DBF4: variants seen among roughly 807,000 people sequenced by gnomAD.
DBF4 encodes protein DBF4 homolog A.
Under a neutral mutation model 76.6 loss-of-function variants are expected in DBF4, and 25 were observed. The observed-to-expected ratio is 0.33, with a 90% CI of 0.24 to 0.46. The LOEUF is 0.46. DBF4 is among the 20% of genes least tolerant of loss of function. The pLI, the probability that DBF4 is intolerant of heterozygous loss-of-function variation, is 1.00. For synonymous variants in DBF4, 213 were observed against 258.0 expected, an observed-to-expected ratio of 0.83 and a Z score of 1.67; for missense variants, 638 against 760.8, an observed-to-expected ratio of 0.84 and a Z score of 1.90.
intron 10 of DBF4, among the ~76,000 whole-genome samples, chr7:87,902,208 A>G (rs1040161688): frequency 1.3e-5 from 2 of 152,220 alleles, no homozygotes; most frequent in Non-Finnish European, 2.9e-5. Context: ...GGTTGCCACA[A>G]AGAAGAAAAT....
intron 6 of DBF4, among the ~76,000 whole-genome samples, chr7:87,892,925 T>C (rs180724029): frequency 6.8e-4 from 103 of 152,334 alleles, no homozygotes; most frequent in Non-Finnish European, 1.1e-3. Flanking sequence ...TTAAAAAATT[T>C]ATCAGAGTTA....
At chr7:87,900,184 T>C (rs766610164) in intron 8 of DBF4, 37 bp from the exon 9 acceptor site, 1 of 1,516,574 alleles carries the variant, frequency 6.6e-7, no homozygotes, top group African/African-American at 1.4e-5. Context: ...TCTTTAATCA[T>C]AAAGAATCTC....
chr7:87,876,806 C>T (rs1839058263), intron 1 of DBF4, 28 bp downstream of exon 1: 4 of 1,612,464 alleles, frequency 2.5e-6, no homozygotes, highest in East Asian at 4.5e-5. Context: ...CGCCTGCAGT[C>T]CCTTTAATCC....
At position 87,908,285 on chromosome 7, in the gene DBF4, T is replaced by C. The variant is rs917177776; in HGVS notation, c.*122T>C. 5.7e-6 allele frequency: 6 copies of C among 1,047,286 alleles called. No homozygotes were observed. The Admixed American group carries it at 1.8e-4, about 32-fold the overall frequency. The allele number at this position is 1,047,286 out of a possible 1,614,324, so 64.9% of individuals were successfully genotyped here. A position where few individuals can be genotyped will look rare whatever the true frequency, so the allele number is the denominator to read the frequency against. ...TTGTTTACAGACCCAAATGTAAATA[T>C]TAAAAATAAATATTTGCAATTTTCT... On this transcript the variant is annotated 3_prime_UTR_variant, in exon 12 of 12. Transcript: ENST00000265728.
rs747653279 is a variant in DBF4, at chr7:87,897,382, A to G, written c.680+43A>G. 6 of 1,573,730 alleles carry G rather than the reference A, an allele frequency of 3.8e-6. No homozygotes were observed. In the East Asian group the frequency reaches 6.7e-5, roughly 18 times the overall value. ...ATCTGTATGATTTAAGTGCAATACT[A>G]AAGAGGAAAATCACCTAACTAATTA... On this transcript the variant is annotated intron_variant, in intron 8 of 11. Coordinates refer to ENST00000265728, the MANE Select transcript of DBF4 (RefSeq NM_006716.4).
chr7:87,883,433 A>T lies in DBF4; in HGVS notation c.220-1546A>T, dbSNP rs575798074. 5.3e-5 allele frequency among the ~76,000 whole-genome samples: 8 copies of T among 152,310 alleles called. No homozygotes were observed. The South Asian group carries it at 1.7e-3, about 32-fold the overall frequency. ...GGTTAAAATGGCTAATTTTATATTT[A>T]TCACAATAAAAGTGTATAGGAGATC... On this transcript the variant is annotated intron_variant, in intron 2 of 11. Transcript: ENST00000265728.
At position 87,908,134 on chromosome 7, in the gene DBF4, C is replaced by T. The variant is rs1018493653; in HGVS notation, c.1996C>T (p.Pro666Ser). The stretch of plus-strand genomic sequence containing the variant: ...TCTGTTAACAGCGTTTTTCTCGTCC[C>T]CTTCAACTTCTACATTTACTGGCTT... Reference protein sequence around the residue: ...DNLLTAFFSSPSTSTFTGF With the variant: ...DNLLTAFFSSSSTSTFTGF The change falls in exon 12 of 12, where the codon CCT (proline) becomes TCT (serine). Residue 666 changes from proline to serine, a missense_variant. Pro to Ser is a moderately conservative substitution (Grantham distance 74). Coordinates refer to ENST00000265728, the MANE Select transcript of DBF4 (RefSeq NM_006716.4). 1 of 1,594,176 alleles carries T rather than the reference C, an allele frequency of 6.3e-7. No individual in the cohort carries two copies. The highest frequency in any genetic ancestry group is 1.3e-5 in the African/African-American group (1 of 74,192).
intron 6 of DBF4, among the ~76,000 whole-genome samples, chr7:87,891,174 T>C (rs567760667): frequency 7.4e-6 from 1 of 134,986 alleles, no homozygotes; most frequent in South Asian, 2.1e-4. Flanking sequence ...GGGCTTTTCT[T>C]TTTTTTTTTT....
At chr7:87,888,243 G>A (rs1332592086) in intron 6 of DBF4, 184 bp downstream of exon 6, 1 of 963,964 alleles carries the variant, frequency 1.0e-6, no homozygotes, top group Admixed American at 6.2e-5. Flanking sequence ...GGTAAAAGTT[G>A]TTCCTGGAAT....
intron 2 of DBF4, among the ~76,000 whole-genome samples, chr7:87,878,921 A>G (rs1031265294): frequency 1.3e-5 from 2 of 152,170 alleles, no homozygotes; most frequent in Non-Finnish European, 2.9e-5. Flanking sequence ...TTTCATTCCC[A>G]GACTAGTAAC....
At chr7:87,880,040 T>G (rs997086081) in intron 2 of DBF4, among the ~76,000 whole-genome samples, 4 of 152,062 alleles carry the variant, frequency 2.6e-5, no homozygotes, top group Non-Finnish European at 5.9e-5. Flanking sequence ...CCATTAACTC[T>G]AGGTCTAATG....
chr7:87,893,525 G>T (rs1839549542), intron 6 of DBF4, among the ~76,000 whole-genome samples: 1 of 152,098 alleles, frequency 6.6e-6, no homozygotes, highest in South Asian at 2.1e-4. Flanking sequence ...GATTACAGGC[G>T]TGAGCCACCG....
chr7:87,908,326 T>A lies in DBF4; in HGVS notation c.*163T>A. Reference sequence around the variant, plus strand: ...GCAATTTTCTACAGAATTGAATACCTGTTAAAGAAAAATTACAGAATAAAC... The same window carrying A: ...GCAATTTTCTACAGAATTGAATACCAGTTAAAGAAAAATTACAGAATAAAC... On this transcript the variant is annotated 3_prime_UTR_variant, in exon 12 of 12. Transcript: ENST00000265728. 1.6e-6 allele frequency: 1 copy of A among 640,686 alleles called. No individual in the cohort carries two copies. Among genetic ancestry groups the A allele is most frequent in the Non-Finnish European group, 2.3e-6 (1 of 437,184 alleles). The allele number at this position is 640,686 out of a possible 1,614,324, so 39.7% of individuals were successfully genotyped here.
intron 10 of DBF4, 45 bp downstream of exon 10, chr7:87,900,923 A>T: frequency 6.8e-7 from 1 of 1,460,158 alleles, no homozygotes. Flanking sequence ...GAAAACTGTA[A>T]TACTTGTGTT....
chr7:87,878,252 G>A (rs1322179099), intron 2 of DBF4, 27 bp downstream of exon 2: 3 of 1,561,174 alleles, frequency 1.9e-6, no homozygotes, highest in Non-Finnish European at 2.6e-6. Flanking sequence ...CACTGGCATA[G>A]AAGGAAAAAT....
chr7:87,894,707 C>G (rs1220551619), intron 6 of DBF4, among the ~76,000 whole-genome samples: 1 of 152,188 alleles, frequency 6.6e-6, no homozygotes, highest in Admixed American at 6.5e-5. Flanking sequence ...AGTTCTTTGT[C>G]TCAGCACCTT....
At chr7:87,888,207 A>G in intron 6 of DBF4, 148 bp downstream of exon 6, 1 of 1,266,456 alleles carries the variant, frequency 7.9e-7, no homozygotes, top group Non-Finnish European at 1.0e-6. Context: ...ATCGAGTGTC[A>G]TTTAACTTTA....
At chr7:87,878,328 C>T in intron 2 of DBF4, 103 bp downstream of exon 2, 2 of 890,006 alleles carry the variant, frequency 2.2e-6, no homozygotes, top group Non-Finnish European at 3.4e-6. Flanking sequence ...CTTCTATTAG[C>T]ACCAAGCTTA....
intron 2 of DBF4, among the ~76,000 whole-genome samples, chr7:87,881,786 G>A (rs1411715471): frequency 6.6e-6 from 1 of 152,232 alleles, no homozygotes; most frequent in African/African-American, 2.4e-5. Context: ...TGCTTTGACA[G>A]AAATATGTAG....
Sources: allele counts gnomAD v4.1 joint callset (sites outside exome capture counted in the v4.1 genomes callset), GRCh38; gene constraint gnomAD v4.1.1; transcripts MANE v1.5; gene names NCBI Gene and HGNC (gene_info 2026-07-23, HGNC 2026-07-21).